Variants in DLGAP4 observed in about 807,000 individuals in gnomAD.
DLGAP4 encodes DLG associated protein 4.
Under a neutral mutation model 86.9 loss-of-function variants are expected in DLGAP4, and 18 were observed. The ratio of observed to expected loss-of-function variants is 0.21; its 90% CI spans 0.14 to 0.31. The LOEUF is 0.31. DLGAP4 is among the 10% of genes least tolerant of loss of function. DLGAP4 has a pLI of 1.00. For missense variants in DLGAP4, 1,085 were observed against 1,362.6 expected (o/e 0.80, Z 3.21); for synonymous variants, 548 against 574.3 (o/e 0.95, Z 0.65).
rs1273580197 is a variant in DLGAP4 at position 36,358,913 on chromosome 20, A to G, written c.-303-8132A>G. Reference sequence around the variant, plus strand: ...TGGTAGAAATCTTTCTGACAAATTGACAAAATGTTTTGTGAGTTTTTAAAA... The same window carrying G: ...TGGTAGAAATCTTTCTGACAAATTGGCAAAATGTTTTGTGAGTTTTTAAAA... On this transcript the variant is annotated intron_variant, in intron 1 of 12. Transcript: ENST00000339266. Among the ~76,000 whole-genome samples the G allele has an allele frequency of 4.6e-5, 7 of 152,328 alleles. 1 individual carries two copies. In the Middle Eastern group the frequency reaches 0.01, roughly 222 times the overall value.
intron 10 of DLGAP4, among the ~76,000 whole-genome samples, chr20:36,522,479 A>T (rs971792432): frequency 6.6e-6 from 1 of 151,836 alleles, no homozygotes; most frequent in African/African-American, 2.4e-5. Flanking sequence ...TTAATTTCAA[A>T]TAAGAGATTA....
intron 7 of DLGAP4, among the ~76,000 whole-genome samples, chr20:36,460,012 CAGAT>C (rs1206512864): frequency 6.6e-6 from 1 of 152,194 alleles, no homozygotes; most frequent in African/African-American, 2.4e-5. Flanking sequence ...CTCCAGGAAA[CAGAT>C]AGGGCTGGTG....
intron 7 of DLGAP4, among the ~76,000 whole-genome samples, chr20:36,491,030 TAAAAAAAAA>T (rs757935259): frequency 9.9e-6 from 1 of 101,440 alleles, no homozygotes; most frequent in African/African-American, 3.6e-5. Flanking sequence ...CCATCTCTAC[TAAAAAAAAA>T]AAAAAAAAAA....
Position 36,447,004 on chromosome 20 carries a change from G to A in DLGAP4, c.1648+67G>A. Reference sequence around the variant, plus strand: ...GGGGACCCCAAGGACCATACCTGGAGGGCCAGCCTGGGAGGATACAGGGAG... The same window carrying A: ...GGGGACCCCAAGGACCATACCTGGAAGGCCAGCCTGGGAGGATACAGGGAG... On this transcript the variant is annotated intron_variant, in intron 7 of 12. Transcript: ENST00000339266. The A allele has an allele frequency of 3.9e-6, 6 of 1,530,920 alleles. No individual in the cohort carries two copies. In the East Asian group the frequency reaches 1.4e-4, roughly 35 times the overall value. 94.8% of individuals were successfully genotyped at this position (1,530,920 alleles called of 1,614,324 possible).
intron 1 of DLGAP4, among the ~76,000 whole-genome samples, chr20:36,309,087 A>G (rs973738107): frequency 6.6e-6 from 1 of 151,614 alleles, no homozygotes; most frequent in Non-Finnish European, 1.5e-5. Context: ...GTCTTCACAC[A>G]TGCTGGCTCC....
Position 36,353,833 on chromosome 20 carries a change from A to G in DLGAP4, c.-303-13212A>G, listed in dbSNP as rs7262411. Among the ~76,000 whole-genome samples the G allele has an allele frequency of 2.5e-3, 384 of 152,372 alleles. 2 individuals carry two copies. Among genetic ancestry groups the G allele is most frequent in the African/African-American group, 8.7e-3 (363 of 41,592 alleles). On this transcript the variant is annotated intron_variant, in intron 1 of 12. Transcript: ENST00000339266. ...AGGCCACACCTGCCAGGGGCTTCCT[A>G]TAGATCCAGTTCTGTACAGAATGTC...
At chr20:36,513,880 TG>T (rs1188031458) in intron 10 of DLGAP4, among the ~76,000 whole-genome samples, 1 of 152,162 alleles carries the variant, frequency 6.6e-6, no homozygotes, top group Admixed American at 6.6e-5. Flanking sequence ...GAGTTTGGTT[TG>T]GAACATGTTA....
chr20:36,516,035 G>A (rs1397625925), intron 10 of DLGAP4, among the ~76,000 whole-genome samples: 1 of 151,986 alleles, frequency 6.6e-6, no homozygotes, highest in Non-Finnish European at 1.5e-5. Flanking sequence ...CATCCTAAGT[G>A]CATTCCAGCC....
intron 10 of DLGAP4, chr20:36,508,419 G>GTTTTTTTTTTTTTTTTTTTT (rs1569523131): frequency 1.5e-4 from 20 of 134,598 alleles, no homozygotes; most frequent in African/African-American, 5.7e-4. Flanking sequence ...ATGTTTCAGG[G>GTTTTTTTTTTTTTTTTTTTT]TTCTTTTTTT....
chr20:36,410,905 C>T (rs1328389624), intron 2 of DLGAP4, among the ~76,000 whole-genome samples: 1 of 152,220 alleles, frequency 6.6e-6, no homozygotes, highest in Non-Finnish European at 1.5e-5. Context: ...GTGCAGCCTT[C>T]ATTGGCTCTC....
chr20:36,420,726 C>G (rs1276734381), intron 2 of DLGAP4, among the ~76,000 whole-genome samples: 1 of 152,122 alleles, frequency 6.6e-6, no homozygotes, highest in African/African-American at 2.4e-5. Context: ...GTAATCCTAG[C>G]ACTTTGGGAG....
rs183631247 is a variant in DLGAP4 at position 36,449,843 on chromosome 20, A to C, written c.1648+2906A>C. Reference sequence around the variant, plus strand: ...GCTACAATTATGCTGCATAACAAACAACCACAAAATCAGTGTAATACAACA... The same window carrying C: ...GCTACAATTATGCTGCATAACAAACCACCACAAAATCAGTGTAATACAACA... On this transcript the variant is annotated intron_variant, in intron 7 of 12. Coordinates refer to ENST00000339266, the MANE Select transcript of DLGAP4 (RefSeq NM_001365621.2). Among the ~76,000 whole-genome samples the C allele has an allele frequency of 7.9e-5, 12 of 152,330 alleles. No homozygotes were observed. In the East Asian group the frequency reaches 2.3e-3, roughly 29 times the overall value.
chr20:36,487,061 G>A (rs1222097037), intron 7 of DLGAP4, among the ~76,000 whole-genome samples: 1 of 152,208 alleles, frequency 6.6e-6, no homozygotes, highest in Non-Finnish European at 1.5e-5. Flanking sequence ...CTGGGGTGGA[G>A]AGACGCTGGT....
At chr20:36,475,979 C>T (rs1229428552) in intron 7 of DLGAP4, among the ~76,000 whole-genome samples, 1 of 151,960 alleles carries the variant, frequency 6.6e-6, no homozygotes, top group Admixed American at 6.6e-5. Flanking sequence ...CGTGCCTCAG[C>T]CTCCCGAGTA....
At chr20:36,397,540 A>G (rs1233696940) in intron 2 of DLGAP4, among the ~76,000 whole-genome samples, 1 of 151,974 alleles carries the variant, frequency 6.6e-6, no homozygotes, top group African/African-American at 2.4e-5. Flanking sequence ...GTTGTTTATC[A>G]TATTGCTTTT....
chr20:36,404,985 C>T (rs981062531), intron 2 of DLGAP4, among the ~76,000 whole-genome samples: 1 of 152,184 alleles, frequency 6.6e-6, no homozygotes. Flanking sequence ...GCGGTGTGCG[C>T]TGGGCCTTGC....
At chr20:36,425,410 A>AT (rs1048966076) in intron 2 of DLGAP4, among the ~76,000 whole-genome samples, 1 of 152,154 alleles carries the variant, frequency 6.6e-6, no homozygotes, top group African/African-American at 2.4e-5. Flanking sequence ...GATGACTATA[A>AT]TTTTTTTAAA....
chr20:36,397,854 G>A (rs1347413241), intron 2 of DLGAP4, among the ~76,000 whole-genome samples: 1 of 152,244 alleles, frequency 6.6e-6, no homozygotes, highest in Non-Finnish European at 1.5e-5. Context: ...AGGCATGGTG[G>A]CTTACGCCTG....
chr20:36,519,114 C>T (rs1159790056), intron 10 of DLGAP4, among the ~76,000 whole-genome samples: 2 of 146,414 alleles, frequency 1.4e-5, no homozygotes, highest in African/African-American at 5.3e-5. Context: ...GAGACTCCAT[C>T]TCAAAAAAAA....
Sources: allele counts gnomAD v4.1 joint callset (sites outside exome capture counted in the v4.1 genomes callset), GRCh38; gene constraint gnomAD v4.1.1; transcripts MANE v1.5; gene names NCBI Gene and HGNC (gene_info 2026-07-23, HGNC 2026-07-21).